The following WDR59 variants were observed in gnomAD, a reference collection of about 807,000 sequenced individuals.
The protein encoded by WDR59 is GATOR2 complex protein WDR59.
Under a neutral mutation model 131.2 loss-of-function variants are expected in WDR59, and 100 were observed. The ratio of observed to expected loss-of-function variants is 0.76; its 90% CI spans 0.65 to 0.90. WDR59 has a LOEUF of 0.90. Ranked by LOEUF, WDR59 falls within the 40% of genes least tolerant of loss-of-function variation. WDR59 has a pLI of 0.00. For missense variants in WDR59, 1,203 were observed against 1,262.2 expected, an observed-to-expected ratio of 0.95 and a Z score of 0.71; for synonymous variants, 601 against 466.2, an observed-to-expected ratio of 1.29 and a Z score of -3.72.
chr16:74,912,162 G>T, intron 14 of WDR59, 36 bp downstream of exon 14: 1 of 1,613,764 alleles, frequency 6.2e-7, no homozygotes, highest in Non-Finnish European at 8.5e-7. Flanking sequence ...CAATGATGCA[G>T]AACAGCAAGG....
intron 8 of WDR59, among the ~76,000 whole-genome samples, chr16:74,937,051 T>G (rs1049010620): frequency 6.6e-6 from 1 of 152,140 alleles, no homozygotes; most frequent in African/African-American, 2.4e-5. Flanking sequence ...TAAATGACAC[T>G]GAATCATAAA....
intron 17 of WDR59, 59 bp downstream of exon 17, chr16:74,908,849 G>T (rs942877919): frequency 2.0e-6 from 3 of 1,476,650 alleles, no homozygotes; most frequent in Non-Finnish European, 1.9e-6. Context: ...TCCTTCCCAG[G>T]TCTCTGGCCA....
chr16:74,898,360 G>C (rs190982964), intron 18 of WDR59, among the ~76,000 whole-genome samples: 28 of 152,274 alleles, frequency 1.8e-4, no homozygotes, highest in African/African-American at 5.8e-4. Flanking sequence ...GGGAGGAAAA[G>C]GATTTGATCC....
chr16:74,876,680 G>A (rs181343397), intron 25 of WDR59, among the ~76,000 whole-genome samples: 21 of 152,160 alleles, frequency 1.4e-4, no homozygotes, highest in Non-Finnish European at 4.4e-5. Context: ...AATTTCTAAG[G>A]AGATCTAAAT....
chr16:74,977,784 T>C (rs892782033), intron 1 of WDR59, among the ~76,000 whole-genome samples: 3 of 152,212 alleles, frequency 2.0e-5, no homozygotes, highest in Admixed American at 2.0e-4. Context: ...GGAAAAAAAC[T>C]AAATGTCCAT....
intron 8 of WDR59, among the ~76,000 whole-genome samples, chr16:74,934,303 A>C (rs187274256): frequency 4.6e-4 from 70 of 152,218 alleles, no homozygotes; most frequent in Non-Finnish European, 8.4e-4. Flanking sequence ...TAGCAAGATT[A>C]ATCCTTTTTT....
At chr16:74,892,449 A>C (rs757433179) in intron 20 of WDR59, 35 bp downstream of exon 20, 2 of 1,568,156 alleles carry the variant, frequency 1.3e-6, no homozygotes, top group Non-Finnish European at 1.7e-6. Context: ...TCCTGAAGAA[A>C]AATCCAAATC....
chr16:74,949,900 CATT>C lies in WDR59; in HGVS notation c.327-105_327-103del, dbSNP rs759245079. 11 of 993,978 alleles carry C rather than the reference CATT, an allele frequency of 1.1e-5. No individual in the cohort carries two copies. In the East Asian group the frequency reaches 2.6e-4, roughly 24 times the overall value. The allele number at this position is 993,978 out of a possible 1,614,324, so 61.6% of individuals were successfully genotyped here. A position where few individuals can be genotyped will look rare whatever the true frequency, so the allele number is the denominator to read the frequency against. ...GTCTCCAGTGGCTTCAGAATGTCATCATTAACGGGCTTCTTAATGTGGTTTAGG... is the reference window on the plus strand; with the variant it reads ...GTCTCCAGTGGCTTCAGAATGTCATCAACGGGCTTCTTAATGTGGTTTAGG... On this transcript the variant is annotated intron_variant, in intron 4 of 25. Coordinates refer to ENST00000262144, the MANE Select transcript of WDR59 (RefSeq NM_030581.4).
chr16:74,907,080 G>C (rs17673141), intron 17 of WDR59, among the ~76,000 whole-genome samples: 1 of 152,118 alleles, frequency 6.6e-6, no homozygotes, highest in Non-Finnish European at 1.5e-5. Flanking sequence ...ATAAGGAATC[G>C]GGTGTAATGT....
At chr16:74,918,156 A>C in intron 10 of WDR59, 148 bp from the exon 11 acceptor site, 1 of 687,680 alleles carries the variant, frequency 1.5e-6, no homozygotes, top group Non-Finnish European at 2.5e-6. Flanking sequence ...AGGTACCAGG[A>C]CTACAGCATG....
At chr16:74,973,638 G>A (rs953643123) in intron 1 of WDR59, among the ~76,000 whole-genome samples, 3 of 152,132 alleles carry the variant, frequency 2.0e-5, no homozygotes, top group East Asian at 1.9e-4. Context: ...GTTACCTATC[G>A]GAGACTCTTG....
At chr16:74,903,861 A>T (rs1965674019) in intron 18 of WDR59, 86 bp downstream of exon 18, 1 of 1,463,050 alleles carries the variant, frequency 6.8e-7, no homozygotes, top group African/African-American at 1.4e-5. Flanking sequence ...GGTGATTACT[A>T]ATCTAGCTGC....
Position 74,979,909 on chromosome 16 carries a change from C to T in WDR59, c.54+5055G>A, listed in dbSNP as rs146560891. On this transcript the variant is annotated intron_variant, in intron 1 of 25. Coordinates refer to ENST00000262144, the MANE Select transcript of WDR59 (RefSeq NM_030581.4). The stretch of plus-strand genomic sequence containing the variant: ...TGTCACCCAAGCTGGAGTGCAATGG[C>T]GTGATCTCAGCTCACCACAACCTCC... 2.9e-3 allele frequency among the ~76,000 whole-genome samples: 381 copies of T among 132,620 alleles called. 4 individuals carry two copies. The highest frequency in any genetic ancestry group is 0.026 in the Middle Eastern group (5 of 196). The allele number at this position is 132,620 out of a possible 152,430, so 87.0% of individuals were successfully genotyped here.
chr16:74,902,833 G>A (rs1197765462), intron 18 of WDR59, among the ~76,000 whole-genome samples: 2 of 152,068 alleles, frequency 1.3e-5, no homozygotes, highest in Non-Finnish European at 2.9e-5. Context: ...ATATAGATTA[G>A]TGGGTGTTCC....
rs1950471158 is a variant in WDR59 at position 74,985,121 on chromosome 16, C to T, written c.-104G>A. On this transcript the variant is annotated 5_prime_UTR_variant, in exon 1 of 26. Coordinates refer to ENST00000262144, the MANE Select transcript of WDR59 (RefSeq NM_030581.4). ...CACACAGCCAGAGAATCAGCCCCGA[C>T]ACGCCCCGTGCCCTGGTTGCTCCTG... 8.6e-7 allele frequency: 1 copy of T among 1,165,050 alleles called. No individual in the cohort carries two copies. The highest frequency in any genetic ancestry group is 1.5e-5 in the African/African-American group (1 of 65,696). The allele number at this position is 1,165,050 out of a possible 1,614,324, so 72.2% of individuals were successfully genotyped here.
intron 1 of WDR59, among the ~76,000 whole-genome samples, chr16:74,977,743 T>C (rs987033884): frequency 7.9e-5 from 12 of 152,312 alleles, no homozygotes; most frequent in Middle Eastern, 6.8e-3. Flanking sequence ...ACTTATCTAC[T>C]TATAGCAGCT....
intron 6 of WDR59, among the ~76,000 whole-genome samples, chr16:74,946,014 T>C (rs928638362): frequency 1.3e-5 from 2 of 151,830 alleles, no homozygotes; most frequent in Admixed American, 6.6e-5. Context: ...ACGGGGTTTC[T>C]CCATGTTGAG....
intron 2 of WDR59, among the ~76,000 whole-genome samples, chr16:74,958,620 A>AAAAAAAAAAAAAAAAC (rs1199806175): frequency 1.4e-5 from 2 of 141,050 alleles, no homozygotes; most frequent in African/African-American, 2.6e-5. Context: ...AAAAAAAAAA[A>AAAAAAAAAAAAAAAAC]CAAGCTAAAT....
intron 1 of WDR59, among the ~76,000 whole-genome samples, chr16:74,974,187 C>A (rs1453973969): frequency 6.6e-6 from 1 of 151,980 alleles, no homozygotes; most frequent in Non-Finnish European, 1.5e-5. Context: ...AGAAAAAAAT[C>A]AATTGATTAA....
Sources: gnomAD v4.1 joint callset for allele counts (sites outside exome capture counted in the v4.1 genomes callset) on GRCh38, gnomAD v4.1.1 for gene constraint, MANE v1.5 for transcripts, NCBI Gene and HGNC (gene_info 2026-07-23, HGNC 2026-07-21) for gene names.